The following FUT8 variants were observed in gnomAD, a reference collection of about 807,000 sequenced individuals.
FUT8 encodes alpha-(1,6)-fucosyltransferase.
A neutral mutation model predicts 71.3 loss-of-function variants in FUT8; 29 were observed. The ratio of observed to expected loss-of-function variants is 0.41; its 90% CI spans 0.30 to 0.55. The LOEUF (loss-of-function observed/expected upper bound fraction) is 0.55, where lower values mean the gene tolerates loss of function less well. Ranked by LOEUF, FUT8 falls within the 20% of genes least tolerant of loss-of-function variation. FUT8 has a pLI of 0.34. For missense variants in FUT8, 544 were observed against 702.1 expected (o/e 0.77, Z 2.55); for synonymous variants, 254 against 239.3 (o/e 1.06, Z -0.57).
chr14:65,562,385 A>G (rs565398206), intron 3 of FUT8, among the ~76,000 whole-genome samples: 1 of 152,272 alleles, frequency 6.6e-6, no homozygotes, highest in South Asian at 2.1e-4. Flanking sequence ...GTTTATCATT[A>G]AACAACTGGA....
Position 65,689,249 on chromosome 14 carries a change from C to A in FUT8, c.835+19769C>A, listed in dbSNP as rs190754040. Among the ~76,000 whole-genome samples, 607 of 152,322 alleles carry A rather than the reference C, an allele frequency of 4.0e-3. 4 individuals carry two copies. Among genetic ancestry groups the A allele is most frequent in the African/African-American group, 0.014 (571 of 41,562 alleles). On this transcript the variant is annotated intron_variant, in intron 7 of 10. Coordinates refer to ENST00000673929, the MANE Select transcript of FUT8 (RefSeq NM_001371533.1). ...TGTTTTAATTTGCAATTCACTAGTG[C>A]CATACAGTGTTGAGAATCATTTCAT... is the stretch of plus-strand genomic sequence containing the variant.
chr14:65,643,910 T>C lies in FUT8; in HGVS notation c.597+14304T>C, dbSNP rs10873191. On this transcript the variant is annotated intron_variant, in intron 6 of 10. Coordinates refer to ENST00000673929, the MANE Select transcript of FUT8 (RefSeq NM_001371533.1). The surrounding 1 kb of genome is among the most constrained non-coding windows in gnomAD (Gnocchi z 4.5). ...AAGTAATTTTCTCTTTCTAGAAATATGCCTCATTTTTTTCAAGAAATGGCA... is the reference window on the plus strand; with the variant it reads ...AAGTAATTTTCTCTTTCTAGAAATACGCCTCATTTTTTTCAAGAAATGGCA... 0.69 allele frequency among the ~76,000 whole-genome samples: 104,679 copies of C among 152,008 alleles called. 36,267 individuals carry two copies. The highest frequency in any genetic ancestry group is 0.85 in the East Asian group (4,398 of 5,170).
rs1027333537 is a variant in FUT8, at chr14:65,412,765, C to A, written c.-775C>A. The A allele has an allele frequency of 1.2e-3, 207 of 169,650 alleles. No individual in the cohort carries two copies. Among genetic ancestry groups the A allele is most frequent in the Non-Finnish European group, 2.2e-3 (174 of 79,212 alleles). The allele number at this position is 169,650 out of a possible 1,614,324, so 10.5% of individuals were successfully genotyped here. A position where few individuals can be genotyped will look rare whatever the true frequency, so the allele number is the denominator to read the frequency against. On this transcript the variant is annotated 5_prime_UTR_variant, in exon 1 of 11. Coordinates refer to ENST00000673929, the MANE Select transcript of FUT8 (RefSeq NM_001371533.1). ...GCACGCCGGCGCTGGCCGAGGCTTCCCCGCCTGCGCTCGTTGTCAGAGCCG... is the reference window on the plus strand; with the variant it reads ...GCACGCCGGCGCTGGCCGAGGCTTCACCGCCTGCGCTCGTTGTCAGAGCCG...
At chr14:65,658,941 T>C (rs1157827091) in intron 6 of FUT8, among the ~76,000 whole-genome samples, 1 of 152,210 alleles carries the variant, frequency 6.6e-6, no homozygotes, top group East Asian at 1.9e-4. Flanking sequence ...AATTTCCTGA[T>C]TTTGATAAGG....
At chr14:65,512,833 G>A (rs755978416) in intron 2 of FUT8, among the ~76,000 whole-genome samples, 12 of 150,230 alleles carry the variant, frequency 8.0e-5, no homozygotes, top group Non-Finnish European at 1.5e-4. Context: ...GCTTGAACCT[G>A]TGAGGCGGAG....
intron 6 of FUT8, among the ~76,000 whole-genome samples, chr14:65,637,233 C>G (rs1057232606): frequency 1.1e-4 from 16 of 152,138 alleles, no homozygotes; most frequent in African/African-American, 3.6e-4. Context: ...TAATATAAGT[C>G]ATTTTCCTAG....
the FUT8 span, among the ~76,000 whole-genome samples, chr14:65,374,287 G>T: frequency 3.3e-5 from 5 of 152,274 alleles, 1 homozygote; most frequent in African/African-American, 9.6e-5. Flanking sequence ...GGACAATAAT[G>T]ATTTTCCATT....
At chr14:65,587,328 T>G (rs1887445909) in intron 3 of FUT8, among the ~76,000 whole-genome samples, 1 of 152,240 alleles carries the variant, frequency 6.6e-6, no homozygotes. Flanking sequence ...AAAAGTGAAG[T>G]TCAGAAATGA....
At chr14:65,696,385 T>G (rs892901269) in intron 7 of FUT8, among the ~76,000 whole-genome samples, 1 of 152,172 alleles carries the variant, frequency 6.6e-6, no homozygotes, top group Non-Finnish European at 1.5e-5. Context: ...TCTATTCCAC[T>G]CTCTTCTTGC....
At chr14:65,716,820 C>T (rs1178485849) in intron 7 of FUT8, among the ~76,000 whole-genome samples, 4 of 150,696 alleles carry the variant, frequency 2.7e-5, no homozygotes, top group East Asian at 2.0e-4. Context: ...ACGGGGCGGC[C>T]GGGCAGAGGC....
At chr14:65,438,151 C>G (rs1359945819) in intron 1 of FUT8, among the ~76,000 whole-genome samples, 1 of 152,114 alleles carries the variant, frequency 6.6e-6, no homozygotes, top group Non-Finnish European at 1.5e-5. Context: ...AAGAATATAT[C>G]AAGAATATTT....
intron 2 of FUT8, among the ~76,000 whole-genome samples, chr14:65,558,821 C>G (rs1438560378): frequency 6.6e-6 from 1 of 151,822 alleles, no homozygotes; most frequent in Non-Finnish European, 1.5e-5. Context: ...AAAATACTGG[C>G]AAAGACAAAA....
intron 2 of FUT8, among the ~76,000 whole-genome samples, chr14:65,493,263 C>T (rs542475214): frequency 2.2e-4 from 33 of 152,232 alleles, no homozygotes; most frequent in Middle Eastern, 3.4e-3. Flanking sequence ...CTTAGCTTGA[C>T]GGCTTTTTAT....
At chr14:65,421,188 T>C (rs1165626281) in intron 1 of FUT8, among the ~76,000 whole-genome samples, 1 of 86,628 alleles carries the variant, frequency 1.2e-5, no homozygotes, top group Non-Finnish European at 2.2e-5. Flanking sequence ...CGGGACTCCA[T>C]CTCAGGAAAA....
intron 7 of FUT8, among the ~76,000 whole-genome samples, chr14:65,709,917 G>A (rs978640574): frequency 3.3e-5 from 5 of 152,162 alleles, no homozygotes; most frequent in African/African-American, 9.7e-5. Context: ...GAAAGTCCAC[G>A]AAGCCATAAA....
At chr14:65,505,356 A>T (rs1275303064) in intron 2 of FUT8, among the ~76,000 whole-genome samples, 1 of 121,668 alleles carries the variant, frequency 8.2e-6, no homozygotes, top group Non-Finnish European at 1.6e-5. Context: ...TCTGTCACCC[A>T]GGCTGGAGTG....
chr14:65,710,364 A>G (rs1248911023), intron 7 of FUT8, among the ~76,000 whole-genome samples: 5 of 152,200 alleles, frequency 3.3e-5, no homozygotes, highest in African/African-American at 4.8e-5. Flanking sequence ...ATTCTTTTGC[A>G]TGTATATTTG....
At chr14:65,447,534 T>A (rs531586661) in intron 1 of FUT8, among the ~76,000 whole-genome samples, 1 of 152,220 alleles carries the variant, frequency 6.6e-6, no homozygotes, top group African/African-American at 2.4e-5. Flanking sequence ...CAATTTTTTC[T>A]TCTGAAAATT....
intron 2 of FUT8, among the ~76,000 whole-genome samples, chr14:65,468,961 C>T (rs868040862): frequency 4.0e-5 from 6 of 149,952 alleles, no homozygotes; most frequent in Middle Eastern, 3.5e-3. Flanking sequence ...CCATGCCTGG[C>T]GATTAAAAAA....
Sources: gnomAD v4.1 joint callset for allele counts (sites outside exome capture counted in the v4.1 genomes callset) on GRCh38, gnomAD v4.1.1 for gene constraint, Gnocchi (gnomAD v3.1) non-coding constraint, MANE v1.5 for transcripts, NCBI Gene and HGNC (gene_info 2026-07-23, HGNC 2026-07-21) for gene names.